PEBP4: variants seen among roughly 807,000 people sequenced by gnomAD.
PEBP4 encodes phosphatidylethanolamine binding protein 4, also known as phosphatidylethanolamine-binding protein 4.
A neutral mutation model predicts 23.9 loss-of-function variants in PEBP4; 22 were observed. That is an observed-to-expected ratio of 0.92 (90% CI 0.66 to 1.31). PEBP4 has a LOEUF of 1.31. Ranked by LOEUF, PEBP4 falls within the 40% of genes most tolerant of loss-of-function variation. PEBP4 has a pLI of 0.00. For synonymous variants in PEBP4, 112 were observed against 99.3 expected (o/e 1.13, Z -0.76); for missense variants, 324 against 281.7 (o/e 1.15, Z -1.07).
At chr8:22,848,551 G>A (rs994112393) in intron 3 of PEBP4, among the ~76,000 whole-genome samples, 4 of 152,154 alleles carry the variant, frequency 2.6e-5, no homozygotes, top group Non-Finnish European at 4.4e-5. Flanking sequence ...GCTGTCTGAC[G>A]GTGCTGTCAG....
At position 22,817,670 on chromosome 8, in the gene PEBP4, T is replaced by C. The variant is rs1806772302; in HGVS notation, c.324A>G (p.Arg108=). The C allele has an allele frequency of 1.2e-6, 2 of 1,614,060 alleles. No homozygotes were observed. Among genetic ancestry groups the C allele is most frequent in the East Asian group, 2.2e-5 (1 of 44,902 alleles). ...DAPSRAEPRQ[R]FWRHWLVTDI... is the part of the protein sequence containing the mutation. ...CTGTTACCAGCCAATGTCTCCAGAA[T>C]CTCTGTCTGGGTTCTGCTCTGCTAG... Residue 108 remains arginine (R), a synonymous_variant, in exon 4 of 7, where the codon AGA becomes AGG. Coordinates refer to ENST00000256404, the MANE Select transcript of PEBP4 (RefSeq NM_144962.3).
chr8:22,785,721 C>T (rs376644884), intron 4 of PEBP4, among the ~76,000 whole-genome samples: 3 of 152,250 alleles, frequency 2.0e-5, no homozygotes, highest in South Asian at 2.1e-4. Flanking sequence ...GGAGCAACAG[C>T]GACCACTCCA....
At chr8:22,873,330 T>G (rs1431476477) in intron 3 of PEBP4, among the ~76,000 whole-genome samples, 1 of 152,192 alleles carries the variant, frequency 6.6e-6, no homozygotes, top group Non-Finnish European at 1.5e-5. Flanking sequence ...CAAGATAGCA[T>G]TTAAAGTAAC....
At chr8:22,781,697 C>T (rs1805918617) in intron 4 of PEBP4, among the ~76,000 whole-genome samples, 1 of 152,206 alleles carries the variant, frequency 6.6e-6, no homozygotes, top group Non-Finnish European at 1.5e-5. Flanking sequence ...CTGGGAAAAC[C>T]AGACTCCTTG....
intron 6 of PEBP4, among the ~76,000 whole-genome samples, chr8:22,724,543 C>T (rs1346561065): frequency 6.6e-6 from 1 of 152,232 alleles, no homozygotes; most frequent in Non-Finnish European, 1.5e-5. Context: ...TGCAAAGTTT[C>T]GGGGTACTCT....
At chr8:22,854,071 G>A (rs77168404) in intron 3 of PEBP4, among the ~76,000 whole-genome samples, 2,228 of 152,294 alleles carry the variant, frequency 0.015, 28 homozygotes, top group Middle Eastern at 0.024. Context: ...CACACAGATA[G>A]GTGGTCTCAC....
At chr8:22,721,560 G>A (rs942021427) in intron 6 of PEBP4, among the ~76,000 whole-genome samples, 7 of 152,162 alleles carry the variant, frequency 4.6e-5, no homozygotes, top group African/African-American at 1.7e-4. Context: ...GAAGAGGCCT[G>A]AACAGGATGG....
chr8:22,926,281 C>T (rs1809331047), intron 2 of PEBP4, among the ~76,000 whole-genome samples: 1 of 151,896 alleles, frequency 6.6e-6, no homozygotes, highest in South Asian at 2.1e-4. Flanking sequence ...CAGCCTACAC[C>T]CAGAACTATT....
intron 3 of PEBP4, among the ~76,000 whole-genome samples, chr8:22,880,173 A>G (rs1275300506): frequency 6.6e-6 from 1 of 152,114 alleles, no homozygotes; most frequent in Non-Finnish European, 1.5e-5. Context: ...GAGGGGTGAC[A>G]AAGCACAGGC....
intron 4 of PEBP4, among the ~76,000 whole-genome samples, chr8:22,816,692 T>C (rs1806747486): frequency 6.6e-6 from 1 of 152,118 alleles, no homozygotes; most frequent in South Asian, 2.1e-4. Context: ...CCAAACCACA[T>C]CCAAACTTTG....
At chr8:22,821,358 T>A (rs76038715) in intron 3 of PEBP4, among the ~76,000 whole-genome samples, 3 of 151,948 alleles carry the variant, frequency 2.0e-5, no homozygotes, top group Admixed American at 1.3e-4. Context: ...AGGAGAGACA[T>A]GTGTACTGCA....
intron 4 of PEBP4, among the ~76,000 whole-genome samples, chr8:22,803,078 CG>C (rs1401848483): frequency 6.6e-6 from 1 of 152,156 alleles, no homozygotes; most frequent in Non-Finnish European, 1.5e-5. Context: ...GGCCCTGTAC[CG>C]TGAGACCTCC....
At chr8:22,782,305 A>C (rs925953695) in intron 4 of PEBP4, among the ~76,000 whole-genome samples, 2 of 152,228 alleles carry the variant, frequency 1.3e-5, no homozygotes, top group African/African-American at 4.8e-5. Flanking sequence ...CATGTGAGCT[A>C]TAAAAACAGA....
chr8:22,836,021 G>T (rs1319182915), intron 3 of PEBP4, among the ~76,000 whole-genome samples: 1 of 152,208 alleles, frequency 6.6e-6, no homozygotes, highest in Non-Finnish European at 1.5e-5. Context: ...TTATTATTCT[G>T]AGTCTATAAA....
intron 4 of PEBP4, among the ~76,000 whole-genome samples, chr8:22,729,350 C>A (rs1804684650): frequency 6.6e-6 from 1 of 152,256 alleles, no homozygotes; most frequent in African/African-American, 2.4e-5. Context: ...GTCAGCCCAG[C>A]CAGCGGTTGT....
intron 4 of PEBP4, among the ~76,000 whole-genome samples, chr8:22,789,687 C>T (rs1289452562): frequency 6.6e-6 from 1 of 152,204 alleles, no homozygotes; most frequent in Non-Finnish European, 1.5e-5. Context: ...AAAGGGAAAT[C>T]AGTCTCTGGG....
chr8:22,764,741 TG>T (rs1343999749), intron 4 of PEBP4, among the ~76,000 whole-genome samples: 1 of 151,552 alleles, frequency 6.6e-6, no homozygotes, highest in African/African-American at 2.4e-5. Context: ...TGGGTGCAGG[TG>T]CAGAGTGGGG....
chr8:22,790,808 T>C (rs1806122329), intron 4 of PEBP4, among the ~76,000 whole-genome samples: 2 of 152,194 alleles, frequency 1.3e-5, no homozygotes, highest in Non-Finnish European at 1.5e-5. Context: ...TTTTGGCTAA[T>C]TGTTTTTAGA....
intron 4 of PEBP4, among the ~76,000 whole-genome samples, chr8:22,746,133 T>TC (rs367841985): frequency 6.6e-6 from 1 of 151,810 alleles, no homozygotes; most frequent in South Asian, 2.1e-4. Flanking sequence ...TCCTTTTTTT[T>TC]TCCCCTGCAA....
Sources: gnomAD v4.1 joint callset for allele counts (sites outside exome capture counted in the v4.1 genomes callset) on GRCh38, gnomAD v4.1.1 for gene constraint, MANE v1.5 for transcripts, NCBI Gene and HGNC (gene_info 2026-07-23, HGNC 2026-07-21) for gene names.